Variants in ARHGAP6 observed in about 807,000 individuals in gnomAD.
The protein encoded by ARHGAP6 is Rho GTPase activating protein 6.
Under a neutral mutation model 55.7 loss-of-function variants are expected in ARHGAP6, and 16 were observed. The ratio of observed to expected loss-of-function variants is 0.29; its 90% CI spans 0.19 to 0.44. ARHGAP6 has a LOEUF of 0.44. Ranked by LOEUF, ARHGAP6 falls within the 20% of genes least tolerant of loss-of-function variation. The pLI, the probability that ARHGAP6 is intolerant of heterozygous loss-of-function variation, is 1.00. For synonymous variants in ARHGAP6, 382 were observed against 360.9 expected (o/e 1.06, Z -0.66); for missense variants, 698 against 808.9 (o/e 0.86, Z 1.66).
chrX:11,664,942 G>T lies in ARHGAP6; in HGVS notation c.-114C>A. The T allele has an allele frequency of 1.2e-6, 1 of 802,823 alleles. No homozygotes were observed. The highest frequency in any genetic ancestry group is 1.7e-6 in the Non-Finnish European group (1 of 578,691). The allele number at this position is 802,823 out of a possible 1,213,427, so 66.2% of individuals were successfully genotyped here. A position where few individuals can be genotyped will look rare whatever the true frequency, so the allele number is the denominator to read the frequency against. ...AGGTGCCAGGCGGGGCTGGCCCGGGGTTTGCCCAGGGCAGTGGAGAGCAAA... is the reference window on the plus strand; with the variant it reads ...AGGTGCCAGGCGGGGCTGGCCCGGGTTTTGCCCAGGGCAGTGGAGAGCAAA... On this transcript the variant is annotated 5_prime_UTR_variant, in exon 1 of 13. Transcript: ENST00000337414.
At chrX:11,148,211 GAT>G (rs1171460959) in intron 10 of ARHGAP6, among the ~76,000 whole-genome samples, 1 of 111,922 alleles carries the variant, frequency 8.9e-6, no homozygotes, top group Non-Finnish European at 1.9e-5. Flanking sequence ...ACCCTAAGAA[GAT>G]AGTTTTGAGT....
intron 1 of ARHGAP6, among the ~76,000 whole-genome samples, chrX:11,493,214 G>A (rs58413967): frequency 0.083 from 9,253 of 112,032 alleles, 412 homozygotes; most frequent in East Asian, 0.18. Flanking sequence ...GTCTGTATAT[G>A]CACTGAAAAT....
rs1354188557 is a variant in ARHGAP6 at position 11,138,185 on chromosome X, T to C, written c.*678A>G. 1 of 112,580 alleles carries C rather than the reference T, an allele frequency of 8.9e-6. No homozygotes were observed. Among genetic ancestry groups the C allele is most frequent in the African/African-American group, 3.2e-5 (1 of 30,892 alleles). 9.3% of individuals were successfully genotyped at this position (112,580 alleles called of 1,213,427 possible). A position where few individuals can be genotyped will look rare whatever the true frequency, so the allele number is the denominator to read the frequency against. The stretch of plus-strand genomic sequence containing the variant: ...AAACAAGTTCTAAAAATATATTTCG[T>C]AATCTATCAGATTTAGCATTTTCCT... On this transcript the variant is annotated 3_prime_UTR_variant, in exon 13 of 13. Coordinates refer to ENST00000337414, the MANE Select transcript of ARHGAP6 (RefSeq NM_013427.3).
At chrX:11,357,154 G>A (rs1180674037) in intron 1 of ARHGAP6, among the ~76,000 whole-genome samples, 1 of 111,767 alleles carries the variant, frequency 8.9e-6, no homozygotes, top group Non-Finnish European at 1.9e-5. Flanking sequence ...GAAATGCCAC[G>A]GCTTTTGATC....
intron 1 of ARHGAP6, among the ~76,000 whole-genome samples, chrX:11,608,907 T>C (rs1158918831): frequency 1.8e-5 from 2 of 111,730 alleles, no homozygotes; most frequent in Non-Finnish European, 3.8e-5. Flanking sequence ...GGTATGTCTT[T>C]ATCAGCAGTG....
At chrX:11,174,641 T>TTCTCTTTCTTTTCTG (rs1212774928) in intron 8 of ARHGAP6, among the ~76,000 whole-genome samples, 8 of 79,722 alleles carry the variant, frequency 1.0e-4, no homozygotes, top group African/African-American at 4.3e-4. Context: ...CTTTCTTTCT[T>TTCTCTTTCTTTTCTG]TCTTTCTTTC....
At position 11,215,103 on chromosome X, in the gene ARHGAP6, G is replaced by A. The variant is rs779600175; in HGVS notation, c.749-18107C>T. ...AGCAGCCCCAGGGGCCTGTGCATAT[G>A]TGCAGGGGTTGGGGAGTCGGTGTGG... is the stretch of plus-strand genomic sequence containing the variant. On this transcript the variant is annotated intron_variant, in intron 2 of 12. Transcript: ENST00000337414. Among the ~76,000 whole-genome samples the A allele has an allele frequency of 1.3e-4, 15 of 113,146 alleles. No individual in the cohort carries two copies. The East Asian group carries it at 3.4e-3, about 26-fold the overall frequency.
At chrX:11,382,948 T>C (rs536710339) in intron 1 of ARHGAP6, among the ~76,000 whole-genome samples, 49 of 112,440 alleles carry the variant, frequency 4.4e-4, no homozygotes, top group African/African-American at 1.6e-3. Context: ...GGATGTGGCA[T>C]CTCTAGTCAC....
chrX:11,608,842 C>T (rs1430391192), intron 1 of ARHGAP6, among the ~76,000 whole-genome samples: 2 of 111,421 alleles, frequency 1.8e-5, no homozygotes, highest in African/African-American at 3.3e-5. Flanking sequence ...TCTGAGGCCT[C>T]CCCAGCCATG....
intron 1 of ARHGAP6, among the ~76,000 whole-genome samples, chrX:11,286,548 C>T (rs1391585266): frequency 1.8e-5 from 2 of 111,303 alleles, no homozygotes; most frequent in Admixed American, 1.9e-4. Flanking sequence ...CCCCTACACC[C>T]AGCTCAGTTC....
At chrX:11,364,695 A>G (rs1387203803) in intron 1 of ARHGAP6, among the ~76,000 whole-genome samples, 2 of 112,092 alleles carry the variant, frequency 1.8e-5, no homozygotes, top group Non-Finnish European at 3.8e-5. Flanking sequence ...AGAAATAAAA[A>G]TAACAGTGGT....
At chrX:11,372,842 A>G (rs1390649268) in intron 1 of ARHGAP6, among the ~76,000 whole-genome samples, 2 of 107,273 alleles carry the variant, frequency 1.9e-5, no homozygotes, top group Non-Finnish European at 3.8e-5. Flanking sequence ...TGGGACAATG[A>G]TTTACAATTC....
intron 1 of ARHGAP6, among the ~76,000 whole-genome samples, chrX:11,316,276 T>A (rs889474986): frequency 1.8e-5 from 2 of 112,052 alleles, no homozygotes; most frequent in Non-Finnish European, 3.8e-5. Flanking sequence ...AAAATCCAGA[T>A]TGTCAATAAG....
chrX:11,563,603 G>A (rs756578542), intron 1 of ARHGAP6, among the ~76,000 whole-genome samples: 7 of 111,123 alleles, frequency 6.3e-5, no homozygotes, highest in African/African-American at 9.8e-5. Flanking sequence ...TGCAAAGATT[G>A]GAAACTTTGC....
At chrX:11,626,555 G>A (rs2052300756) in intron 1 of ARHGAP6, among the ~76,000 whole-genome samples, 1 of 111,870 alleles carries the variant, frequency 8.9e-6, no homozygotes, top group African/African-American at 3.2e-5. Flanking sequence ...ATCATAAAAT[G>A]TACATCAGGA....
chrX:11,658,798 T>C (rs998196154), intron 1 of ARHGAP6, among the ~76,000 whole-genome samples: 3 of 108,100 alleles, frequency 2.8e-5, no homozygotes, highest in Non-Finnish European at 5.7e-5. Context: ...CAGTTTCTTG[T>C]ATACAGGGCG....
At chrX:11,505,748 G>A (rs747738577) in intron 1 of ARHGAP6, among the ~76,000 whole-genome samples, 2 of 111,348 alleles carry the variant, frequency 1.8e-5, no homozygotes, top group African/African-American at 3.3e-5. Flanking sequence ...GTCCTTTGCC[G>A]GGACATGGAT....
At chrX:11,401,816 A>G (rs1158525933) in intron 1 of ARHGAP6, among the ~76,000 whole-genome samples, 2 of 112,746 alleles carry the variant, frequency 1.8e-5, no homozygotes, top group Non-Finnish European at 3.7e-5. Flanking sequence ...TAGCTTAAAT[A>G]AAACCATATG....
chrX:11,610,176 G>A (rs1158669478), intron 1 of ARHGAP6, among the ~76,000 whole-genome samples: 1 of 109,872 alleles, frequency 9.1e-6, no homozygotes, highest in Non-Finnish European at 1.9e-5. Context: ...CCAGATTGGT[G>A]TAAAGACAAA....
Sources: allele counts gnomAD v4.1 joint callset (sites outside exome capture counted in the v4.1 genomes callset), GRCh38; gene constraint gnomAD v4.1.1; transcripts MANE v1.5; gene names NCBI Gene and HGNC (gene_info 2026-07-23, HGNC 2026-07-21).